Variants in WFDC10B observed in about 807,000 individuals in gnomAD.
WFDC10B encodes WAP four-disulfide core domain 10B.
A neutral mutation model predicts 2.7 loss-of-function variants in WFDC10B; 1 was observed. That is an observed-to-expected ratio of 0.38 (90% CI 0.13 to 1.79). The LOEUF (loss-of-function observed/expected upper bound fraction) is 1.79, where lower values mean the gene tolerates loss of function less well. Among genes scored for constraint, WFDC10B ranks in the 40% most tolerant of loss-of-function variants. The probability of loss-of-function intolerance (pLI) is 0.33; values close to 1 mark genes in which losing one functional copy is unlikely to be tolerated. For missense variants in WFDC10B, 71 were observed against 87.8 expected (o/e 0.81, Z 0.76); for synonymous variants, 26 against 32.2 (o/e 0.81, Z 0.65).
chr20:45,704,505 A>G lies in WFDC10B; in HGVS notation c.-73T>C. ...CTGAAAACTGTACTCACCTGTGTACAATGCAGGAAGATTGCGAGAAAGGAT... is the reference window on the plus strand; with the variant it reads ...CTGAAAACTGTACTCACCTGTGTACGATGCAGGAAGATTGCGAGAAAGGAT... On this transcript the variant is annotated 5_prime_UTR_variant, in exon 2 of 4. Coordinates refer to ENST00000330523, the MANE Select transcript of WFDC10B (RefSeq NM_172006.2). 3 of 1,614,214 alleles carry G rather than the reference A, an allele frequency of 1.9e-6. No individual in the cohort carries two copies. The Middle Eastern group carries it at 4.9e-4, about 266-fold the overall frequency.
In WFDC10B at chr20:45,686,043, C is replaced by G. The variant is rs1325767479; in HGVS notation, c.-51G>C. On this transcript the variant is annotated 5_prime_UTR_variant, in exon 3 of 4. Coordinates refer to ENST00000330523, the MANE Select transcript of WFDC10B (RefSeq NM_172006.2). ...AGTCTGGCCAGGCAGTCACAGACTT[C>G]CCTGCAGAGCTGCCTGTGGAGAGGG... 1 of 1,596,878 alleles carries G rather than the reference C, an allele frequency of 6.3e-7. No individual in the cohort carries two copies. Among genetic ancestry groups the G allele is most frequent in the East Asian group, 2.3e-5 (1 of 44,018 alleles).
At chr20:45,691,712 A>G (rs1194183507) in intron 2 of WFDC10B, among the ~76,000 whole-genome samples, 2 of 151,804 alleles carry the variant, frequency 1.3e-5, no homozygotes, top group Non-Finnish European at 2.9e-5. Context: ...CCACCCTTTT[A>G]TTTTGAGCCT....
chr20:45,687,569 T>C (rs1983661507), intron 2 of WFDC10B, among the ~76,000 whole-genome samples: 1 of 152,202 alleles, frequency 6.6e-6, no homozygotes, highest in South Asian at 2.1e-4. Flanking sequence ...TGGTTCTAAA[T>C]CTTTGAGGAA....
intron 2 of WFDC10B, among the ~76,000 whole-genome samples, chr20:45,696,093 T>C (rs1193778140): frequency 6.6e-6 from 1 of 151,806 alleles, no homozygotes; most frequent in Non-Finnish European, 1.5e-5. Flanking sequence ...GAGACCATCC[T>C]GGCTAACACA....
intron 2 of WFDC10B, among the ~76,000 whole-genome samples, chr20:45,701,103 T>C (rs1191437655): frequency 6.6e-6 from 1 of 152,240 alleles, no homozygotes; most frequent in African/African-American, 2.4e-5. Context: ...GGTGCATCTA[T>C]TGTGCTGTTT....
rs111359705 is a variant in WFDC10B, at chr20:45,685,557, G to A, written c.91+345C>T. ...CCTACCCTCATAACCACTTCTAGAT[G>A]TTCACTCCTCACAAATGTGCATAAA... On this transcript the variant is annotated intron_variant, in intron 3 of 3. Coordinates refer to ENST00000330523, the MANE Select transcript of WFDC10B (RefSeq NM_172006.2). 7.1e-3 allele frequency among the ~76,000 whole-genome samples: 1,078 copies of A among 152,212 alleles called. 17 individuals carry two copies. Among genetic ancestry groups the A allele is most frequent in the East Asian group, 0.047 (244 of 5,182 alleles).
intron 2 of WFDC10B, among the ~76,000 whole-genome samples, chr20:45,693,775 G>T (rs182077115): frequency 2.0e-5 from 3 of 152,214 alleles, no homozygotes; most frequent in Non-Finnish European, 2.9e-5. Context: ...GACCCCTTGC[G>T]CTTCCCGAGT....
chr20:45,692,368 T>C (rs1053336012), intron 2 of WFDC10B, among the ~76,000 whole-genome samples: 1 of 152,076 alleles, frequency 6.6e-6, no homozygotes, highest in African/African-American at 2.4e-5. Flanking sequence ...ATTTCCTGAA[T>C]CTGAATGTTG....
At chr20:45,702,000 A>C (rs2064378029) in intron 2 of WFDC10B, 2 of 828,860 alleles carry the variant, frequency 2.4e-6, no homozygotes, top group East Asian at 5.4e-5. Flanking sequence ...ATTGGAGTAC[A>C]CGGTGAAAGG....
chr20:45,702,387 G>T (rs574053343), intron 2 of WFDC10B, among the ~76,000 whole-genome samples: 1 of 152,338 alleles, frequency 6.6e-6, no homozygotes, highest in South Asian at 2.1e-4. Context: ...GTGACCTTGG[G>T]CATAGTATCT....
At chr20:45,696,601 TATAAG>T (rs145759329) in intron 2 of WFDC10B, among the ~76,000 whole-genome samples, 2,225 of 152,132 alleles carry the variant, frequency 0.015, 45 homozygotes, top group African/African-American at 0.05. Flanking sequence ...CTAAAAAAAT[TATAAG>T]AGAATACTAT....
At position 45,690,876 on chromosome 20, in the gene WFDC10B, A is replaced by G. The variant is rs190275537; in HGVS notation, c.-64-4820T>C. 5.6e-3 allele frequency among the ~76,000 whole-genome samples: 852 copies of G among 152,166 alleles called. 7 individuals carry two copies. The highest frequency in any genetic ancestry group is 0.019 in the African/African-American group (807 of 41,498). On this transcript the variant is annotated intron_variant, in intron 2 of 3. Transcript: ENST00000330523. Reference sequence around the variant, plus strand: ...TTTTAGTTATTTCTTGCTTTCTGCTAGCTTTTGAATGTGTTTGCTCTTGCT... The same window carrying G: ...TTTTAGTTATTTCTTGCTTTCTGCTGGCTTTTGAATGTGTTTGCTCTTGCT...
chr20:45,690,350 C>A (rs1171564038), intron 2 of WFDC10B, among the ~76,000 whole-genome samples: 1 of 152,026 alleles, frequency 6.6e-6, no homozygotes, highest in Non-Finnish European at 1.5e-5. Context: ...TGATGCTGGT[C>A]TCATAAAATG....
chr20:45,686,868 C>T (rs1415968403), intron 2 of WFDC10B, among the ~76,000 whole-genome samples: 5 of 152,096 alleles, frequency 3.3e-5, no homozygotes, highest in Non-Finnish European at 5.9e-5. Context: ...GCCATGTTGG[C>T]CAGGCTGGTC....
intron 2 of WFDC10B, among the ~76,000 whole-genome samples, chr20:45,696,872 T>C (rs1600961437): frequency 6.6e-6 from 1 of 152,200 alleles, no homozygotes; most frequent in African/African-American, 2.4e-5. Flanking sequence ...TCTCAAAGTT[T>C]TCCAATCTTA....
intron 2 of WFDC10B, among the ~76,000 whole-genome samples, chr20:45,697,379 ATTTTTTTTTT>A (rs869059383): frequency 8.8e-6 from 1 of 114,010 alleles, no homozygotes; most frequent in African/African-American, 3.4e-5. Flanking sequence ...ACATCCCATC[ATTTTTTTTTT>A]TTTTTTTTTT....
chr20:45,701,994 G>C (rs1245242349), intron 2 of WFDC10B: 1 of 784,218 alleles, frequency 1.3e-6, no homozygotes, highest in Non-Finnish European at 2.1e-6. Context: ...GTTTTGATTG[G>C]AGTACACGGT....
At position 45,698,149 on chromosome 20, in the gene WFDC10B, C is replaced by T. The variant is rs565046949; in HGVS notation, c.-65+6348G>A. On this transcript the variant is annotated intron_variant, in intron 2 of 3. Coordinates refer to ENST00000330523, the MANE Select transcript of WFDC10B (RefSeq NM_172006.2). ...GGTCTCCCATTTCCCCCATTTTGTG[C>T]GTTCTGAGTGAAAAACAGAGAGTGC... Among the ~76,000 whole-genome samples, 15 of 152,292 alleles carry T rather than the reference C, an allele frequency of 9.8e-5. No individual in the cohort carries two copies. The South Asian group carries it at 1.2e-3, about 13-fold the overall frequency.
chr20:45,698,839 GCGCCT>G (rs1466565093), intron 2 of WFDC10B, among the ~76,000 whole-genome samples: 1 of 151,754 alleles, frequency 6.6e-6, no homozygotes, highest in Non-Finnish European at 1.5e-5. Flanking sequence ...TGGGTGGCAG[GCGCCT>G]GTAATCCCAG....
Sources: allele counts gnomAD v4.1 joint callset (sites outside exome capture counted in the v4.1 genomes callset), GRCh38; gene constraint gnomAD v4.1.1; transcripts MANE v1.5; gene names NCBI Gene and HGNC (gene_info 2026-07-23, HGNC 2026-07-21).